Variants in DTWD2 observed in about 807,000 individuals in gnomAD.
The protein encoded by DTWD2 is tRNA-uridine aminocarboxypropyltransferase 2.
A neutral mutation model predicts 31.8 loss-of-function variants in DTWD2; 39 were observed. That is an observed-to-expected ratio of 1.22 (90% CI 0.95 to 1.60). The LOEUF is 1.60. Ranked by LOEUF, DTWD2 falls within the 40% of genes most tolerant of loss-of-function variation. The probability of loss-of-function intolerance (pLI) is 0.00; values close to 1 mark genes in which losing one functional copy is unlikely to be tolerated. For synonymous variants in DTWD2, 180 were observed against 142.8 expected (o/e 1.26, Z -1.86); for missense variants, 515 against 381.5 (o/e 1.35, Z -2.92).
At chr5:118,879,932 C>T (rs1752704156) in intron 4 of DTWD2, among the ~76,000 whole-genome samples, 1 of 152,150 alleles carries the variant, frequency 6.6e-6, no homozygotes, top group South Asian at 2.1e-4. Flanking sequence ...AACAAACCTG[C>T]CCATGTACCC....
intron 4 of DTWD2, among the ~76,000 whole-genome samples, chr5:118,898,621 T>C (rs1753135576): frequency 7.0e-6 from 1 of 142,240 alleles, no homozygotes; most frequent in African/African-American, 2.7e-5. Flanking sequence ...ATCATACCAC[T>C]GCACTCCTGC....
chr5:118,887,010 T>C (rs1296884627), intron 4 of DTWD2, among the ~76,000 whole-genome samples: 1 of 152,178 alleles, frequency 6.6e-6, no homozygotes, highest in Non-Finnish European at 1.5e-5. Context: ...TACAATGTGT[T>C]GATCCATTCA....
At chr5:118,966,542 A>G (rs1032696243) in intron 1 of DTWD2, among the ~76,000 whole-genome samples, 1 of 152,206 alleles carries the variant, frequency 6.6e-6, no homozygotes, top group Non-Finnish European at 1.5e-5. Context: ...GATCATACTC[A>G]GGCAAATTAG....
chr5:118,882,843 G>A (rs539490082), intron 4 of DTWD2, among the ~76,000 whole-genome samples: 5 of 152,352 alleles, frequency 3.3e-5, no homozygotes, highest in Admixed American at 2.6e-4. Context: ...AGTCTGCCAC[G>A]AAGATATCTG....
In DTWD2 at chr5:118,843,163, G is replaced by A. The variant is rs1367393662; in HGVS notation, c.727-2076C>T. On this transcript the variant is annotated intron_variant, in intron 5 of 5. Transcript: ENST00000510708. ...GTAGAGACGGGGTTTCACCATATTGGCCAGGCTGGTCTCGAACTCCTGACC... is the reference window on the plus strand; with the variant it reads ...GTAGAGACGGGGTTTCACCATATTGACCAGGCTGGTCTCGAACTCCTGACC... Among the ~76,000 whole-genome samples the A allele has an allele frequency of 2.0e-5, 3 of 151,874 alleles. No individual in the cohort carries two copies. The East Asian group carries it at 5.8e-4, about 30-fold the overall frequency.
At chr5:118,921,029 G>T (rs1008084758) in intron 4 of DTWD2, among the ~76,000 whole-genome samples, 3 of 152,152 alleles carry the variant, frequency 2.0e-5, no homozygotes, top group African/African-American at 7.2e-5. Context: ...CATATAGGAA[G>T]ATCATAGTTC....
intron 2 of DTWD2, among the ~76,000 whole-genome samples, chr5:118,944,132 A>G (rs564201434): frequency 6.6e-6 from 1 of 152,364 alleles, no homozygotes; most frequent in Non-Finnish European, 1.5e-5. Context: ...TTCATCTAAA[A>G]TAAACCAAAA....
Position 118,851,586 on chromosome 5 carries a change from GC to G in DTWD2, c.598-3369del, listed in dbSNP as rs201923869. On this transcript the variant is annotated intron_variant, in intron 4 of 5. Transcript: ENST00000510708. ...AACTCCTGATAAGTGTCTATGTTCA[GC>G]TGTGCACGTATTGTCTTGATAAACA... Among the ~76,000 whole-genome samples the G allele has an allele frequency of 8.1e-3, 1,226 of 151,486 alleles. 14 individuals carry two copies. The highest frequency in any genetic ancestry group is 0.027 in the African/African-American group (1,134 of 41,308).
At chr5:118,859,791 C>A (rs1752218550) in intron 4 of DTWD2, among the ~76,000 whole-genome samples, 1 of 152,122 alleles carries the variant, frequency 6.6e-6, no homozygotes, top group African/African-American at 2.4e-5. Context: ...CTGACTACCA[C>A]TTTTTTATAA....
At chr5:118,892,544 A>T (rs1000561159) in intron 4 of DTWD2, among the ~76,000 whole-genome samples, 1 of 152,106 alleles carries the variant, frequency 6.6e-6, no homozygotes, top group Non-Finnish European at 1.5e-5. Context: ...GACAAAAAAC[A>T]TTCTACATTT....
chr5:118,855,279 C>T (rs1752105178), intron 4 of DTWD2, among the ~76,000 whole-genome samples: 1 of 146,146 alleles, frequency 6.8e-6, no homozygotes, highest in South Asian at 2.2e-4. Flanking sequence ...TACATATTTA[C>T]ACTAAGTTAC....
chr5:118,893,895 T>G (rs1753027899), intron 4 of DTWD2, among the ~76,000 whole-genome samples: 1 of 152,008 alleles, frequency 6.6e-6, no homozygotes, highest in Non-Finnish European at 1.5e-5. Context: ...ACAAGCCAAA[T>G]GACAAGGGAA....
At chr5:118,934,658 T>A (rs1753997908) in intron 3 of DTWD2, among the ~76,000 whole-genome samples, 1 of 151,898 alleles carries the variant, frequency 6.6e-6, no homozygotes, top group South Asian at 2.1e-4. Flanking sequence ...GAACAAAAGA[T>A]CAAATAACTG....
chr5:118,854,470 C>T (rs2149541064), intron 4 of DTWD2, among the ~76,000 whole-genome samples: 1 of 151,664 alleles, frequency 6.6e-6, no homozygotes, highest in Non-Finnish European at 1.5e-5. Context: ...GTTTTCCAAA[C>T]ATTATGCCTC....
At chr5:118,843,909 T>C (rs1331951765) in intron 5 of DTWD2, among the ~76,000 whole-genome samples, 1 of 152,204 alleles carries the variant, frequency 6.6e-6, no homozygotes, top group African/African-American at 2.4e-5. Flanking sequence ...TATAACTTGC[T>C]TTGGTTAATG....
intron 4 of DTWD2, among the ~76,000 whole-genome samples, chr5:118,862,867 C>T (rs1207108648): frequency 1.3e-5 from 2 of 152,172 alleles, no homozygotes; most frequent in African/African-American, 4.8e-5. Flanking sequence ...GTTAATGAGA[C>T]ATAACAGGAA....
chr5:118,916,672 A>G (rs1270809724), intron 4 of DTWD2, among the ~76,000 whole-genome samples: 1 of 151,992 alleles, frequency 6.6e-6, no homozygotes, highest in Admixed American at 6.6e-5. Context: ...TCCCAAAAAA[A>G]AAAAAAAAAG....
intron 4 of DTWD2, among the ~76,000 whole-genome samples, chr5:118,850,248 G>A (rs1751965891): frequency 6.8e-6 from 1 of 147,166 alleles, no homozygotes; most frequent in African/African-American, 2.5e-5. Flanking sequence ...CAGATCACTT[G>A]AGGCCAGGAG....
At chr5:118,892,341 T>C (rs995250051) in intron 4 of DTWD2, among the ~76,000 whole-genome samples, 2 of 152,132 alleles carry the variant, frequency 1.3e-5, no homozygotes, top group African/African-American at 4.8e-5. Flanking sequence ...CACAAACACA[T>C]TGACAAAATT....
Sources: gnomAD v4.1 joint callset for allele counts (sites outside exome capture counted in the v4.1 genomes callset) on GRCh38, gnomAD v4.1.1 for gene constraint, MANE v1.5 for transcripts, NCBI Gene and HGNC (gene_info 2026-07-23, HGNC 2026-07-21) for gene names.